SATB1: variants seen among roughly 807,000 people sequenced by gnomAD.
SATB1 encodes SATB homeobox 1.
Under a neutral mutation model 86.9 loss-of-function variants are expected in SATB1, and 11 were observed. That is an observed-to-expected ratio of 0.13 (90% CI 0.08 to 0.21). The LOEUF is 0.21. Ranked by LOEUF, SATB1 falls within the 10% of genes least tolerant of loss-of-function variation. SATB1 has a pLI of 1.00. For synonymous variants in SATB1, 357 were observed against 357.2 expected, an observed-to-expected ratio of 1.00 and a Z score of 0.01; for missense variants, 551 against 937.6, an observed-to-expected ratio of 0.59 and a Z score of 5.39.
intron 7 of SATB1, among the ~76,000 whole-genome samples, chr3:18,392,543 A>G (rs186471462): frequency 1.0e-3 from 152 of 148,488 alleles, no homozygotes; most frequent in African/African-American, 3.6e-3. Context: ...AACTATATAT[A>G]TACACATATA....
At chr3:18,362,911 T>C (rs958014281) in intron 9 of SATB1, among the ~76,000 whole-genome samples, 16 of 60,066 alleles carry the variant, frequency 2.7e-4, no homozygotes, top group African/African-American at 6.7e-4. Flanking sequence ...TAAGAAATCA[T>C]AAAAAGAATA....
intron 9 of SATB1, among the ~76,000 whole-genome samples, chr3:18,359,040 A>G (rs1266413080): frequency 6.6e-6 from 1 of 152,070 alleles, no homozygotes; most frequent in Non-Finnish European, 1.5e-5. Context: ...AATTTCTATT[A>G]AAATTTTGTG....
chr3:18,351,115 T>C, intron 10 of SATB1: 1 of 591,238 alleles, frequency 1.7e-6, no homozygotes, highest in Non-Finnish European at 3.1e-6. Context: ...CAGAAGAGTG[T>C]CTTCAGGAGA....
chr3:18,388,023 G>C (rs1047327942), intron 7 of SATB1, among the ~76,000 whole-genome samples: 1 of 152,104 alleles, frequency 6.6e-6, no homozygotes, highest in African/African-American at 2.4e-5. Flanking sequence ...GGTGCAGAGG[G>C]CTTCAGAGTC....
At position 18,423,668 on chromosome 3, in the gene SATB1, A is replaced by C. The variant is rs1407755542; in HGVS notation, c.-66T>G. ...AGCACATAAATAACAAAAACAAAGG[A>C]GATTTCCTTTGCAGCCCGGGTTCTT... is the stretch of plus-strand genomic sequence containing the variant. On this transcript the variant is annotated 5_prime_UTR_variant, in exon 1 of 11. Coordinates refer to ENST00000338745, the MANE Select transcript of SATB1 (RefSeq NM_002971.6). 1 of 151,698 alleles carries C rather than the reference A, an allele frequency of 6.6e-6. No homozygotes were observed. The highest frequency in any genetic ancestry group is 1.5e-5 in the Non-Finnish European group (1 of 67,948). The allele number at this position is 151,698 out of a possible 1,614,324, so 9.4% of individuals were successfully genotyped here. A position where few individuals can be genotyped will look rare whatever the true frequency, so the allele number is the denominator to read the frequency against.
intron 5 of SATB1, among the ~76,000 whole-genome samples, chr3:18,408,376 TC>T (rs1188632641): frequency 1.3e-5 from 2 of 151,956 alleles, no homozygotes; most frequent in Non-Finnish European, 2.9e-5. Flanking sequence ...CATGCAAGCA[TC>T]CCAGGGTGCT....
At chr3:18,372,173 A>T (rs999932687) in intron 9 of SATB1, among the ~76,000 whole-genome samples, 3 of 152,220 alleles carry the variant, frequency 2.0e-5, no homozygotes, top group African/African-American at 7.2e-5. Context: ...GATTGCTGTA[A>T]AGGGACCACT....
At chr3:18,432,774 TA>T (rs113036379) in intron 2 of SATB1, among the ~76,000 whole-genome samples, 7 of 150,804 alleles carry the variant, frequency 4.6e-5, no homozygotes, top group East Asian at 1.9e-4. Flanking sequence ...GCGTATTTTT[TA>T]ACACATATTT....
chr3:18,411,442 A>G (rs1423000230), intron 5 of SATB1, among the ~76,000 whole-genome samples: 1 of 152,084 alleles, frequency 6.6e-6, no homozygotes, highest in Non-Finnish European at 1.5e-5. Context: ...AAATGAATCT[A>G]CCCTGTATCA....
intron 5 of SATB1, among the ~76,000 whole-genome samples, chr3:18,409,902 A>G (rs1348525828): frequency 6.6e-6 from 1 of 152,090 alleles, no homozygotes; most frequent in Non-Finnish European, 1.5e-5. Context: ...AAACAGACCC[A>G]AGAAATTCAT....
chr3:18,398,304 T>C (rs1360961340), intron 5 of SATB1, among the ~76,000 whole-genome samples: 2 of 152,124 alleles, frequency 1.3e-5, no homozygotes, highest in Admixed American at 1.3e-4. Context: ...TTACCCATAT[T>C]CTCTAGTAAC....
chr3:18,385,481 G>C lies in SATB1; in HGVS notation c.1419+918C>G, dbSNP rs1696292734. ...ACTAAAAACACAAAAAAATTAGCTG[G>C]GCGTGGTGGCAGATGCCTGTAGTCT... On this transcript the variant is annotated intron_variant, in intron 8 of 10. Coordinates refer to ENST00000338745, the MANE Select transcript of SATB1 (RefSeq NM_002971.6). Among the ~76,000 whole-genome samples, 5 of 152,142 alleles carry C rather than the reference G, an allele frequency of 3.3e-5. No individual in the cohort carries two copies. The South Asian group carries it at 1.0e-3, about 32-fold the overall frequency.
At chr3:18,399,233 A>G (rs1267457619) in intron 5 of SATB1, among the ~76,000 whole-genome samples, 1 of 152,166 alleles carries the variant, frequency 6.6e-6, no homozygotes, top group African/African-American at 2.4e-5. Flanking sequence ...AGTTCTATAT[A>G]TGAAATTTGC....
At chr3:18,368,800 T>C (rs1322884894) in intron 9 of SATB1, among the ~76,000 whole-genome samples, 1 of 152,180 alleles carries the variant, frequency 6.6e-6, no homozygotes, top group Non-Finnish European at 1.5e-5. Context: ...CTAAAGTGGA[T>C]TGTTGTGATC....
At chr3:18,351,436 C>A in intron 10 of SATB1, 1 of 1,478,018 alleles carries the variant, frequency 6.8e-7, no homozygotes, top group African/African-American at 1.4e-5. Context: ...AGAGATGACT[C>A]ACCCCTAACC....
intron 8 of SATB1, among the ~76,000 whole-genome samples, chr3:18,381,020 A>T (rs1696029113): frequency 6.6e-6 from 1 of 152,174 alleles, no homozygotes; most frequent in Non-Finnish European, 1.5e-5. Flanking sequence ...TTGCTTTCAG[A>T]ATAGCTTTTA....
rs890430262 is a variant in SATB1 at position 18,346,122 on chromosome 3, A to G, written c.*3048T>C. On this transcript the variant is annotated 3_prime_UTR_variant, in exon 11 of 11. Coordinates refer to ENST00000338745, the MANE Select transcript of SATB1 (RefSeq NM_002971.6). ...CAAGCGCCACACAACTAGGACATAC[A>G]TATTAGTTACCTTGGTTTTCAAAGG... 8 of 152,136 alleles carry G rather than the reference A, an allele frequency of 5.3e-5. No individual in the cohort carries two copies. The highest frequency in any genetic ancestry group is 1.9e-4 in the East Asian group (1 of 5,198). 9.4% of individuals were successfully genotyped at this position (152,136 alleles called of 1,614,324 possible).
At chr3:18,421,669 C>T (rs1698403832) in intron 1 of SATB1, among the ~76,000 whole-genome samples, 1 of 151,986 alleles carries the variant, frequency 6.6e-6, no homozygotes, top group Non-Finnish European at 1.5e-5. Flanking sequence ...CCTAAAGAAA[C>T]AGGAAGAAGT....
chr3:18,362,949 G>T (rs563768396), intron 9 of SATB1, among the ~76,000 whole-genome samples: 3 of 150,336 alleles, frequency 2.0e-5, no homozygotes, highest in African/African-American at 4.9e-5. Context: ...TACCTGACAG[G>T]GTAGTTTGTC....
Sources: gnomAD v4.1 joint callset for allele counts (sites outside exome capture counted in the v4.1 genomes callset) on GRCh38, gnomAD v4.1.1 for gene constraint, MANE v1.5 for transcripts, NCBI Gene and HGNC (gene_info 2026-07-23, HGNC 2026-07-21) for gene names.